Variants in DIAPH1 observed in about 807,000 individuals in gnomAD.
DIAPH1 encodes protein diaphanous homolog 1.
Under a neutral mutation model 140.7 loss-of-function variants are expected in DIAPH1, and 46 were observed. The observed-to-expected ratio is 0.33, with a 90% CI of 0.26 to 0.42. The LOEUF (loss-of-function observed/expected upper bound fraction) is 0.42. Among genes scored for constraint, DIAPH1 ranks in the 10% least tolerant of loss-of-function variants. The pLI is 1.00. For missense variants in DIAPH1, 1,310 were observed against 1,558.7 expected (o/e 0.84, Z 2.69); for synonymous variants, 565 against 551.6 (o/e 1.02, Z -0.34).
chr5:141,577,520 G>C lies in DIAPH1; in HGVS notation c.1235C>G (p.Ser412Cys). The change falls in exon 12 of 28, where the codon TCC becomes TGC. Residue 412 changes from serine (S) to cysteine (C), a missense_variant. Coordinates refer to ENST00000389054, the MANE Select transcript of DIAPH1 (RefSeq NM_005219.5). The part of the protein sequence containing the change: ...KDSKAEPHFL[S>C]ILQHLLLVRN... ...GACCAAGAGTAAGTGCTGCAGGATG[G>C]AAAGGAAGTGTGGCTCTGCCTTTGA... 1 of 1,614,010 alleles carries C rather than the reference G, an allele frequency of 6.2e-7. No homozygotes were observed. Among genetic ancestry groups the C allele is most frequent in the Non-Finnish European group, 8.5e-7 (1 of 1,179,872 alleles).
In DIAPH1 at chr5:141,565,708, G is replaced by A. The variant is rs1038640348; in HGVS notation, c.2482+5720C>T. 2.0e-5 allele frequency among the ~76,000 whole-genome samples: 3 copies of A among 152,240 alleles called. No homozygotes were observed. On this transcript the variant is annotated intron_variant, in intron 18 of 27. Coordinates refer to ENST00000389054, the MANE Select transcript of DIAPH1 (RefSeq NM_005219.5). This position sits in a 1 kb window ranked among gnomAD's most constrained non-coding sequence, Gnocchi z 4.3. ...AAAAGGTGTGAAATAACCTTTAGGA[G>A]AGCAGGAAATTCAATGAATTTGTAA...
chr5:141,531,526 C>T (rs1429946650), intron 19 of DIAPH1, among the ~76,000 whole-genome samples: 1 of 152,072 alleles, frequency 6.6e-6, no homozygotes, highest in Non-Finnish European at 1.5e-5. Context: ...CTCACTCTGT[C>T]ACCCAGGCTG....
intron 1 of DIAPH1, among the ~76,000 whole-genome samples, chr5:141,604,762 C>T (rs1276948766): frequency 2.0e-5 from 3 of 152,094 alleles, no homozygotes; most frequent in East Asian, 3.8e-4. Context: ...TACTGACAAC[C>T]GCTTAACTAA....
chr5:141,608,768 A>C (rs2099901346), intron 1 of DIAPH1, among the ~76,000 whole-genome samples: 1 of 152,264 alleles, frequency 6.6e-6, no homozygotes, highest in Non-Finnish European at 1.5e-5. Flanking sequence ...GACTCAGAAG[A>C]GATCCTGGTT....
At chr5:141,589,273 C>T (rs903467310) in intron 1 of DIAPH1, 5 of 152,494 alleles carry the variant, frequency 3.3e-5, no homozygotes, top group Non-Finnish European at 5.9e-5. Flanking sequence ...TAGCCACCTT[C>T]GTTGGGAGTG....
intron 18 of DIAPH1, among the ~76,000 whole-genome samples, chr5:141,553,898 A>C (rs2099892140): frequency 6.6e-6 from 1 of 152,156 alleles, no homozygotes; most frequent in Non-Finnish European, 1.5e-5. Context: ...AACAAGAAAG[A>C]AAAACAGAGA....
chr5:141,579,082 A>G lies in DIAPH1; in HGVS notation c.933+6T>C, dbSNP rs948017991. The G allele has an allele frequency of 3.1e-6, 5 of 1,606,820 alleles. No homozygotes were observed. The African/African-American group carries it at 6.7e-5, about 21-fold the overall frequency. On this transcript the variant is annotated splice_donor_region_variant and intron_variant, in intron 9 of 27. Transcript: ENST00000389054. ...TCTTGGGCCCAGTTTCAGGGGATAT[A>G]CATGCCTTCAGTGCAATAGTGGTTC...
chr5:141,602,677 C>G lies in DIAPH1; in HGVS notation c.118-14427G>C, dbSNP rs1453286556. 3.3e-5 allele frequency among the ~76,000 whole-genome samples: 5 copies of G among 152,150 alleles called. No homozygotes were observed. In the East Asian group the frequency reaches 9.6e-4, roughly 29 times the overall value. On this transcript the variant is annotated intron_variant, in intron 1 of 27. Transcript: ENST00000389054. ...AACAGATATAAAGCACTTTGTTTTG[C>G]AAAGTACTTTGTAAAAGTTAAATAA...
intron 21 of DIAPH1, 58 bp downstream of exon 21, chr5:141,529,114 T>C: frequency 6.4e-7 from 1 of 1,563,640 alleles, no homozygotes; most frequent in South Asian, 1.1e-5. Context: ...GGCTGCTCTC[T>C]AGAGGGGAGG....
rs2099885586 is a variant in DIAPH1, at chr5:141,515,784, T to A, written c.*1067A>T. ...CTGGGAGAGAGGATCTGCCTTGGACTCAAGGGTCCAGAAGGTCCAGGGGCA... is the reference window on the plus strand; with the variant it reads ...CTGGGAGAGAGGATCTGCCTTGGACACAAGGGTCCAGAAGGTCCAGGGGCA... On this transcript the variant is annotated 3_prime_UTR_variant, in exon 28 of 28. Transcript: ENST00000389054. 1 of 152,246 alleles carries A rather than the reference T, an allele frequency of 6.6e-6. No individual in the cohort carries two copies. 9.4% of individuals were successfully genotyped at this position (152,246 alleles called of 1,614,324 possible).
Position 141,576,001 on chromosome 5 carries a change from C to A in DIAPH1, c.1461+229G>T, listed in dbSNP as rs190864288. On this transcript the variant is annotated intron_variant, in intron 14 of 27. Transcript: ENST00000389054. ...AGTATCATCTGTCTTTCTTTTCCTGCCCAGTAGCCCAAGAACTGAAAGTCC... is the reference window on the plus strand; with the variant it reads ...AGTATCATCTGTCTTTCTTTTCCTGACCAGTAGCCCAAGAACTGAAAGTCC... Among the ~76,000 whole-genome samples, 22 of 152,234 alleles carry A rather than the reference C, an allele frequency of 1.4e-4. No homozygotes were observed. The East Asian group carries it at 4.3e-3, about 29-fold the overall frequency.
intron 8 of DIAPH1, 75 bp from the exon 9 acceptor site, chr5:141,579,271 AG>A (rs746002477): frequency 4.7e-6 from 5 of 1,053,060 alleles, no homozygotes; most frequent in South Asian, 3.8e-5. Context: ...TAAATTACAC[AG>A]GGGCACAGAC....
chr5:141,556,676 ATCT>A lies in DIAPH1; in HGVS notation c.2482+14749_2482+14751del, dbSNP rs1562307071. Among the ~76,000 whole-genome samples, 4 of 152,016 alleles carry A rather than the reference ATCT, an allele frequency of 2.6e-5. No individual in the cohort carries two copies. The South Asian group carries it at 8.3e-4, about 32-fold the overall frequency. On this transcript the variant is annotated intron_variant, in intron 18 of 27. Coordinates refer to ENST00000389054, the MANE Select transcript of DIAPH1 (RefSeq NM_005219.5). ...TATCTTCTCAGTCCCAACCTGAGAG[ATCT>A]TCTTTTTATTTATTTATTTATTTAT...
chr5:141,552,239 G>A (rs974025824), intron 18 of DIAPH1, among the ~76,000 whole-genome samples: 12 of 151,892 alleles, frequency 7.9e-5, no homozygotes, highest in African/African-American at 2.9e-4. Flanking sequence ...ACCCAGGCTG[G>A]AGAACAGTGG....
chr5:141,517,028 AT>A lies in DIAPH1; in HGVS notation c.3662-21del. The A allele has an allele frequency of 6.2e-7, 1 of 1,613,936 alleles. No individual in the cohort carries two copies. Among genetic ancestry groups the A allele is most frequent in the Non-Finnish European group, 8.5e-7 (1 of 1,179,950 alleles). ...TGTTGGCTGCAAGAGAAGACGAGAG[AT>A]TCTGTCTATGGAAGGCCTCATTTCT... On this transcript the variant is annotated intron_variant, in intron 27 of 27. Coordinates refer to ENST00000389054, the MANE Select transcript of DIAPH1 (RefSeq NM_005219.5).
chr5:141,554,129 T>C (rs1333084798), intron 18 of DIAPH1, among the ~76,000 whole-genome samples: 1 of 151,834 alleles, frequency 6.6e-6, no homozygotes, highest in East Asian at 1.9e-4. Context: ...AATACAAAAT[T>C]AGCCAGGCAT....
chr5:141,529,342 C>A, intron 20 of DIAPH1, 69 bp from the exon 21 acceptor site: 1 of 1,260,398 alleles, frequency 7.9e-7, no homozygotes, highest in African/African-American at 1.5e-5. Context: ...ACAACTTTTA[C>A]TCTGTTGTCA....
intron 19 of DIAPH1, among the ~76,000 whole-genome samples, chr5:141,531,059 C>T (rs1253749213): frequency 6.6e-6 from 1 of 152,194 alleles, no homozygotes; most frequent in Non-Finnish European, 1.5e-5. Flanking sequence ...TCTCTCACTT[C>T]CACGACTCTG....
intron 18 of DIAPH1, 61 bp from the exon 19 acceptor site, chr5:141,534,494 G>C: frequency 7.5e-7 from 1 of 1,334,060 alleles, no homozygotes; most frequent in Non-Finnish European, 1.1e-6. Flanking sequence ...GCTTTACCAA[G>C]CAACTACTGT....
Sources: allele counts gnomAD v4.1 joint callset (sites outside exome capture counted in the v4.1 genomes callset), GRCh38; gene constraint gnomAD v4.1.1; non-coding constraint Gnocchi (gnomAD v3.1); transcripts MANE v1.5; gene names NCBI Gene and HGNC (gene_info 2026-07-23, HGNC 2026-07-21).